The following ASTN2 variants were observed in gnomAD, a reference collection of about 807,000 sequenced individuals.
ASTN2 encodes the protein astrotactin-2.
A neutral mutation model predicts 139.8 loss-of-function variants in ASTN2; 54 were observed. The observed-to-expected ratio is 0.39, with a 90% CI of 0.31 to 0.48. The LOEUF is 0.48. ASTN2 is among the 20% of genes least tolerant of loss of function. The probability of loss-of-function intolerance (pLI) is 0.95; values close to 1 mark genes in which losing one functional copy is unlikely to be tolerated. For missense variants in ASTN2, 1,565 were observed against 1,725.1 expected (o/e 0.91, Z 1.64); for synonymous variants, 756 against 719.5 (o/e 1.05, Z -0.81).
intron 21 of ASTN2, among the ~76,000 whole-genome samples, chr9:116,441,972 G>C (rs940211945): frequency 2.0e-5 from 3 of 152,196 alleles, no homozygotes; most frequent in African/African-American, 4.8e-5. Context: ...TCTATGCTAA[G>C]GATTCTGAGA....
At chr9:117,017,434 A>G (rs928898938) in intron 6 of ASTN2, among the ~76,000 whole-genome samples, 5 of 152,116 alleles carry the variant, frequency 3.3e-5, no homozygotes, top group African/African-American at 7.2e-5. Context: ...ATCTCTCTCC[A>G]TGTCAGTTGC....
chr9:117,092,514 C>G (rs777496707), intron 5 of ASTN2, among the ~76,000 whole-genome samples: 1 of 152,152 alleles, frequency 6.6e-6, no homozygotes, highest in Non-Finnish European at 1.5e-5. Context: ...CTGAGTACTT[C>G]AAAGATGGTA....
chr9:116,889,635 T>C lies in ASTN2; in HGVS notation c.1890-25902A>G, dbSNP rs528227873. On this transcript the variant is annotated intron_variant, in intron 10 of 22. Coordinates refer to ENST00000313400, the MANE Select transcript of ASTN2 (RefSeq NM_001365068.1). ...CAGTGGTGGCTCATGCCTGTAATCCTAGCACTTTGTGAGGCCGAGGCAGAA... is the reference window on the plus strand; with the variant it reads ...CAGTGGTGGCTCATGCCTGTAATCCCAGCACTTTGTGAGGCCGAGGCAGAA... Among the ~76,000 whole-genome samples the C allele has an allele frequency of 9.2e-5, 14 of 151,818 alleles. No homozygotes were observed. The East Asian group carries it at 2.7e-3, about 30-fold the overall frequency.
At chr9:116,892,594 T>C (rs1833790783) in intron 10 of ASTN2, among the ~76,000 whole-genome samples, 4 of 152,110 alleles carry the variant, frequency 2.6e-5, no homozygotes, top group Admixed American at 2.6e-4. Flanking sequence ...TAATCTATTT[T>C]TTTTTTCATT....
At chr9:117,031,823 G>A (rs1838255747) in intron 6 of ASTN2, among the ~76,000 whole-genome samples, 1 of 152,076 alleles carries the variant, frequency 6.6e-6, no homozygotes, top group Non-Finnish European at 1.5e-5. Flanking sequence ...AGGCGGGCAG[G>A]GGCCTGACCT....
chr9:116,480,333 T>C (rs1243270561), intron 20 of ASTN2, among the ~76,000 whole-genome samples: 1 of 152,158 alleles, frequency 6.6e-6, no homozygotes, highest in Non-Finnish European at 1.5e-5. Flanking sequence ...ATAGTGGGTG[T>C]CTCCTGAATA....
chr9:117,061,990 G>C (rs558119205), intron 5 of ASTN2, among the ~76,000 whole-genome samples: 204 of 152,286 alleles, frequency 1.3e-3, no homozygotes, highest in Middle Eastern at 3.4e-3. Context: ...AAGATAAGGT[G>C]CTCAAGGAAA....
chr9:117,289,498 T>C (rs1834532406), intron 2 of ASTN2, among the ~76,000 whole-genome samples: 1 of 152,178 alleles, frequency 6.6e-6, no homozygotes, highest in Non-Finnish European at 1.5e-5. Context: ...CATTGGAGGC[T>C]CATTTATAAT....
intron 16 of ASTN2, among the ~76,000 whole-genome samples, chr9:116,669,669 T>C (rs1859072309): frequency 6.6e-6 from 1 of 152,208 alleles, no homozygotes; most frequent in African/African-American, 2.4e-5. Context: ...TGGATAACAG[T>C]CCTTTATTGG....
Position 117,214,529 on chromosome 9 carries a change from C to A in ASTN2, c.844G>T (p.Val282Leu), listed in dbSNP as rs1490973136. ...AGGATGGGAGTCTCCCGGATGGGCA[C>A]GCCAATGACGGAATTGTGGGTTTGC... ...RLQTHNSVIG[V>L]PIRETPILDD... The change falls in exon 3 of 23, where the codon GTG (valine) becomes TTG (leucine). Residue 282 changes from valine (V) to leucine (L), a missense_variant. By Grantham distance (32) the Val-to-Leu change is conservative (BLOSUM62 1). Coordinates refer to ENST00000313400, the MANE Select transcript of ASTN2 (RefSeq NM_001365068.1). 3 of 1,613,936 alleles carry A rather than the reference C, an allele frequency of 1.9e-6. No individual in the cohort carries two copies. The highest frequency in any genetic ancestry group is 2.5e-6 in the Non-Finnish European group (3 of 1,179,812).
intron 22 of ASTN2, among the ~76,000 whole-genome samples, chr9:116,434,294 A>T (rs963440408): frequency 3.3e-5 from 5 of 152,216 alleles, no homozygotes; most frequent in Admixed American, 3.3e-4. Flanking sequence ...GATTATAGGA[A>T]TATGACCCTA....
At chr9:116,711,797 A>G (rs1278821641) in intron 16 of ASTN2, among the ~76,000 whole-genome samples, 5 of 152,068 alleles carry the variant, frequency 3.3e-5, no homozygotes, top group African/African-American at 1.2e-4. Context: ...TTTCACATAC[A>G]TTAATTTTTT....
chr9:116,952,025 T>C (rs541116756), intron 10 of ASTN2, among the ~76,000 whole-genome samples: 11 of 152,374 alleles, frequency 7.2e-5, no homozygotes, highest in South Asian at 6.2e-4. Context: ...CTGTGGGTTG[T>C]GCCACTATAG....
intron 10 of ASTN2, among the ~76,000 whole-genome samples, chr9:116,876,564 A>G (rs1833305271): frequency 6.6e-6 from 1 of 152,240 alleles, no homozygotes; most frequent in South Asian, 2.1e-4. Flanking sequence ...TGTGAAAGGA[A>G]GAATCAGTTG....
chr9:116,928,410 G>A (rs1834816889), intron 10 of ASTN2, among the ~76,000 whole-genome samples: 1 of 151,994 alleles, frequency 6.6e-6, no homozygotes, highest in Non-Finnish European at 1.5e-5. Flanking sequence ...ATATAGATTT[G>A]AAGACTAATG....
intron 16 of ASTN2, among the ~76,000 whole-genome samples, chr9:116,723,059 G>C (rs142972015): frequency 6.6e-6 from 1 of 152,030 alleles, no homozygotes; most frequent in African/African-American, 2.4e-5. Flanking sequence ...CAGCTACTCC[G>C]GGGACTGAGG....
At chr9:117,219,643 G>A (rs1588096715) in intron 2 of ASTN2, among the ~76,000 whole-genome samples, 1 of 152,332 alleles carries the variant, frequency 6.6e-6, no homozygotes, top group African/African-American at 2.4e-5. Context: ...CTTCTGTGAG[G>A]TTGTAAGCTG....
chr9:117,066,098 A>G (rs1245944988), intron 5 of ASTN2, among the ~76,000 whole-genome samples: 1 of 145,900 alleles, frequency 6.9e-6, no homozygotes, highest in Non-Finnish European at 1.5e-5. Context: ...TACATGTGCC[A>G]TGCTGGTGCA....
chr9:117,064,558 G>T (rs1827874069), intron 5 of ASTN2, among the ~76,000 whole-genome samples: 1 of 152,104 alleles, frequency 6.6e-6, no homozygotes, highest in South Asian at 2.1e-4. Flanking sequence ...GAAATAGAAA[G>T]TCAAATACTT....
Sources: gnomAD v4.1 joint callset for allele counts (sites outside exome capture counted in the v4.1 genomes callset) on GRCh38, gnomAD v4.1.1 for gene constraint, MANE v1.5 for transcripts, NCBI Gene and HGNC (gene_info 2026-07-23, HGNC 2026-07-21) for gene names.